The following FAM20C variants were observed in gnomAD, a reference collection of about 807,000 sequenced individuals.
FAM20C encodes FAM20C golgi associated secretory pathway kinase, also known as extracellular serine/threonine protein kinase FAM20C.
FAM20C carries 40 observed loss-of-function variants against 51.5 expected under a neutral mutation model. That is an observed-to-expected ratio of 0.78 (90% CI 0.60 to 1.01). The LOEUF (loss-of-function observed/expected upper bound fraction) is 1.01. Ranked by LOEUF, FAM20C falls within the 50% of genes least tolerant of loss-of-function variation. FAM20C has a pLI of 0.00. For missense variants in FAM20C, 861 were observed against 844.7 expected (o/e 1.02, Z -0.24); for synonymous variants, 406 against 380.6 (o/e 1.07, Z -0.78).
rs3935015 is a variant in FAM20C at position 209,235 on chromosome 7, A to G, written c.863+259A>G. Among the ~76,000 whole-genome samples, 59,850 of 152,050 alleles carry G rather than the reference A, an allele frequency of 0.39. 12,081 individuals carry two copies. Among genetic ancestry groups the G allele is most frequent in the Non-Finnish European group, 0.42 (28,416 of 67,972 alleles). ...CTGGTTATTCTTACCCTGTGAGAATAAGCATTTGTATTTTAAACAAGTAAC... is the reference window on the plus strand; with the variant it reads ...CTGGTTATTCTTACCCTGTGAGAATGAGCATTTGTATTTTAAACAAGTAAC... On this transcript the variant is annotated intron_variant, in intron 3 of 9. Coordinates refer to ENST00000313766, the MANE Select transcript of FAM20C (RefSeq NM_020223.4).
chr7:259,473 G>A (rs990298034), intron 9 of FAM20C, among the ~76,000 whole-genome samples: 15 of 33,862 alleles, frequency 4.4e-4, no homozygotes, highest in South Asian at 3.7e-3. Context: ...TCTCTGTCTC[G>A]GTCTGCCTGT....
chr7:212,981 C>T (rs1201939737), intron 3 of FAM20C, among the ~76,000 whole-genome samples: 15 of 18,512 alleles, frequency 8.1e-4, no homozygotes, highest in Admixed American at 5.7e-3. Flanking sequence ...CCGCCTCCAG[C>T]CCCCGTCAAG....
chr7:233,449 C>T (rs1015897566), intron 3 of FAM20C, among the ~76,000 whole-genome samples: 28 of 152,306 alleles, frequency 1.8e-4, no homozygotes, highest in African/African-American at 5.8e-4. Context: ...GAACAAATCA[C>T]GGCAAACGCA....
chr7:209,604 C>T (rs1277296804), intron 3 of FAM20C, among the ~76,000 whole-genome samples: 3 of 152,174 alleles, frequency 2.0e-5, no homozygotes, highest in African/African-American at 4.8e-5. Flanking sequence ...CGCGACAGCT[C>T]GTGGTGAGGG....
At chr7:235,563 G>A (rs1013247938) in intron 3 of FAM20C, among the ~76,000 whole-genome samples, 3 of 152,218 alleles carry the variant, frequency 2.0e-5, no homozygotes, top group Non-Finnish European at 4.4e-5. Context: ...CACATAAAAA[G>A]CAAAACCAGA....
chr7:215,927 G>A (rs1202537975), intron 3 of FAM20C, among the ~76,000 whole-genome samples: 11 of 10,618 alleles, frequency 1.0e-3, no homozygotes, highest in African/African-American at 5.0e-3. Context: ...GAGCTGGGTG[G>A]GGGGAGCAGG....
chr7:253,735 C>T (rs535729843), intron 5 of FAM20C, among the ~76,000 whole-genome samples: 3 of 152,316 alleles, frequency 2.0e-5, no homozygotes, highest in Admixed American at 6.5e-5. Flanking sequence ...TAACCCCGCC[C>T]GGGAGGCCCC....
chr7:242,182 G>A (rs1024577178), intron 3 of FAM20C, among the ~76,000 whole-genome samples: 1 of 152,208 alleles, frequency 6.6e-6, no homozygotes, highest in East Asian at 1.9e-4. Flanking sequence ...ACCAGGCCCT[G>A]TGTGTGCCCG....
At chr7:196,039 C>G (rs1012609479) in intron 2 of FAM20C, among the ~76,000 whole-genome samples, 1 of 152,222 alleles carries the variant, frequency 6.6e-6, no homozygotes, top group South Asian at 2.1e-4. Flanking sequence ...GAGTCCTTCC[C>G]TCCTGGGGTA....
At chr7:210,501 A>G (rs1786659996) in intron 3 of FAM20C, among the ~76,000 whole-genome samples, 2 of 152,080 alleles carry the variant, frequency 1.3e-5, no homozygotes, top group Admixed American at 1.3e-4. Flanking sequence ...GCTGGCAGTA[A>G]TGGGAGTGGA....
chr7:255,781 G>A (rs377304861), intron 5 of FAM20C, 68 bp from the exon 6 acceptor site: 3 of 1,511,308 alleles, frequency 2.0e-6, no homozygotes, highest in South Asian at 1.2e-5. Context: ...GGCCTTGGGG[G>A]CCGTGAGACC....
In FAM20C at chr7:214,460, G is replaced by A. The variant is rs116882658; in HGVS notation, c.863+5484G>A. 2.4e-4 allele frequency among the ~76,000 whole-genome samples: 36 copies of A among 152,312 alleles called. No individual in the cohort carries two copies. The East Asian group carries it at 6.4e-3, about 27-fold the overall frequency. The stretch of plus-strand genomic sequence containing the variant: ...ATTCTCGTGCTTTTGGTGTAATTAC[G>A]TTTGAATGCTGAAAGCACGTGTGTT... On this transcript the variant is annotated intron_variant, in intron 3 of 9. Coordinates refer to ENST00000313766, the MANE Select transcript of FAM20C (RefSeq NM_020223.4).
At position 193,247 on chromosome 7, in the gene FAM20C, G is replaced by A; in HGVS notation, c.48G>A (p.Val16=). The change falls in exon 1 of 10, where the codon GTG becomes GTA. Residue 16 remains valine, a synonymous_variant. Transcript: ENST00000313766. Reference sequence around the variant, plus strand: ...GGTTCCGCGTGCTCATCCTGATGGTGTTCCTGGTGGCCTGCGCGCTGCACA... The same window carrying A: ...GGTTCCGCGTGCTCATCCTGATGGTATTCCTGGTGGCCTGCGCGCTGCACA... ...VRRFRVLILM[V]FLVACALHIA... is the part of the protein sequence containing the mutation. 1 of 1,466,270 alleles carries A rather than the reference G, an allele frequency of 6.8e-7. No individual in the cohort carries two copies. The highest frequency in any genetic ancestry group is 9.0e-7 in the Non-Finnish European group (1 of 1,105,382). 90.8% of individuals were successfully genotyped at this position (1,466,270 alleles called of 1,614,324 possible). A position where few individuals can be genotyped will look rare whatever the true frequency, so the allele number is the denominator to read the frequency against.
At chr7:258,919 G>A (rs369925638) in intron 9 of FAM20C, among the ~76,000 whole-genome samples, 5 of 152,068 alleles carry the variant, frequency 3.3e-5, no homozygotes, top group African/African-American at 7.2e-5. Context: ...CATCCAGCTC[G>A]AGCCCCCTCG....
intron 5 of FAM20C, among the ~76,000 whole-genome samples, chr7:252,960 C>T (rs1363913549): frequency 5.3e-5 from 8 of 152,250 alleles, no homozygotes; most frequent in Admixed American, 2.0e-4. Context: ...GCAAGGTGAG[C>T]GCCCCCAGGA....
In FAM20C at chr7:247,778, G is replaced by C. The variant is rs140164866; in HGVS notation, c.957-537G>C. On this transcript the variant is annotated intron_variant, in intron 4 of 9. Coordinates refer to ENST00000313766, the MANE Select transcript of FAM20C (RefSeq NM_020223.4). ...AGCACCCAGGCGAGCCGTCTGACAG[G>C]TGGAGGGGGAGGGTGCTCCACGCAG... is the stretch of plus-strand genomic sequence containing the variant. Among the ~76,000 whole-genome samples the C allele has an allele frequency of 1.4e-4, 22 of 152,314 alleles. 1 individual carries two copies. The East Asian group carries it at 4.3e-3, about 30-fold the overall frequency.
At chr7:234,113 G>T (rs973244176) in intron 3 of FAM20C, among the ~76,000 whole-genome samples, 3 of 152,220 alleles carry the variant, frequency 2.0e-5, no homozygotes, top group African/African-American at 7.2e-5. Flanking sequence ...CAGGGAGGCC[G>T]TCCCGGCAAG....
chr7:257,274 C>T, intron 8 of FAM20C, 188 bp downstream of exon 8: 1 of 613,286 alleles, frequency 1.6e-6, no homozygotes, highest in South Asian at 2.0e-5. Flanking sequence ...GGAGGGCCGC[C>T]CCGGGAGTGG....
chr7:241,836 C>A lies in FAM20C; in HGVS notation c.864-4579C>A, dbSNP rs977489443. On this transcript the variant is annotated intron_variant, in intron 3 of 9. Transcript: ENST00000313766. ...GCATCTGTGTGTGTGCCCGTGTGTACGTTTGTGAGCGTGCAGGTGTGTGTG... is the reference window on the plus strand; with the variant it reads ...GCATCTGTGTGTGTGCCCGTGTGTAAGTTTGTGAGCGTGCAGGTGTGTGTG... Among the ~76,000 whole-genome samples the A allele has an allele frequency of 3.4e-5, 5 of 147,966 alleles. No individual in the cohort carries two copies. In the South Asian group the frequency reaches 1.1e-3, roughly 32 times the overall value.
Sources: gnomAD v4.1 joint callset for allele counts (sites outside exome capture counted in the v4.1 genomes callset) on GRCh38, gnomAD v4.1.1 for gene constraint, MANE v1.5 for transcripts, NCBI Gene and HGNC (gene_info 2026-07-23, HGNC 2026-07-21) for gene names.